The following ASXL1 variants were observed in gnomAD, a reference collection of about 807,000 sequenced individuals.
ASXL1 encodes the protein ASXL transcriptional regulator 1, also known as polycomb group protein ASXL1.
A neutral mutation model predicts 89.1 loss-of-function variants in ASXL1; 65 were observed. The ratio of observed to expected loss-of-function variants is 0.73; its 90% confidence interval spans 0.60 to 0.90. The LOEUF (loss-of-function observed/expected upper bound fraction) is 0.90, where lower values mean the gene tolerates loss of function less well. Among genes scored for constraint, ASXL1 ranks in the 40% least tolerant of loss-of-function variants. The pLI is 0.00. For missense variants in ASXL1, 1,786 were observed against 1,942.9 expected, an observed-to-expected ratio of 0.92 and a Z score of 1.52; for synonymous variants, 739 against 746.9, an observed-to-expected ratio of 0.99 and a Z score of 0.17.
chr20:32,381,214 C>T (rs944496603), intron 4 of ASXL1, among the ~76,000 whole-genome samples: 3 of 152,124 alleles, frequency 2.0e-5, no homozygotes, highest in Non-Finnish European at 4.4e-5. Flanking sequence ...TTACCAAAGT[C>T]CTTTTTTTTG....
intron 4 of ASXL1, among the ~76,000 whole-genome samples, chr20:32,384,171 T>A (rs1172984095): frequency 6.6e-6 from 1 of 151,970 alleles, no homozygotes; most frequent in Non-Finnish European, 1.5e-5. Context: ...CAGTACCATT[T>A]GCTTTGGTCA....
At position 32,429,754 on chromosome 20, in the gene ASXL1, G is replaced by A. The variant is rs776921321; in HGVS notation, c.566-147G>A. On this transcript the variant is annotated intron_variant, in intron 7 of 12. Transcript: ENST00000375687. This position sits in a 1 kb window ranked among gnomAD's most constrained non-coding sequence, Gnocchi z 4.9. ...TATTTTAAAGCCAGACCATGAAGTG[G>A]TGGTTTCTCTCAGCCTAAGGCTGGG... 54 of 1,142,494 alleles carry A rather than the reference G, an allele frequency of 4.7e-5. No individual in the cohort carries two copies. The highest frequency in any genetic ancestry group is 5.2e-5 in the Non-Finnish European group (42 of 808,674). The allele number at this position is 1,142,494 out of a possible 1,614,324, so 70.8% of individuals were successfully genotyped here. A position where few individuals can be genotyped will look rare whatever the true frequency, so the allele number is the denominator to read the frequency against.
chr20:32,435,883 T>A lies in ASXL1; in HGVS notation c.3171T>A (p.Asp1057Glu), dbSNP rs772813587. 1.2e-6 allele frequency: 2 copies of A among 1,614,146 alleles called. No homozygotes were observed. Among genetic ancestry groups the A allele is most frequent in the South Asian group, 2.2e-5 (2 of 91,088 alleles). ...NGDMRLVTRTDGMVAPQSWVS... is the reference protein window; with the variant it reads ...NGDMRLVTRTEGMVAPQSWVS... ...ACATGCGTCTGGTTACAAGGACAGA[T>A]GGGATGGTTGCTCCTCAGAGCTGGG... Residue 1057 changes from aspartate to glutamate, a missense_variant, in exon 13 of 13, where the codon GAT becomes GAA. Transcript: ENST00000375687.
chr20:32,376,092 T>G (rs2048373012), intron 4 of ASXL1, among the ~76,000 whole-genome samples: 1 of 152,178 alleles, frequency 6.6e-6, no homozygotes, highest in Non-Finnish European at 1.5e-5. Context: ...ACAGTAGTCA[T>G]GTCTACTGTT....
intron 4 of ASXL1, among the ~76,000 whole-genome samples, chr20:32,413,734 G>A (rs951602275): frequency 6.6e-6 from 1 of 152,182 alleles, no homozygotes; most frequent in East Asian, 1.9e-4. Context: ...GCATGTGGCT[G>A]TTTTCCTCGG....
intron 8 of ASXL1, chr20:32,430,301 A>T: frequency 1.8e-6 from 1 of 543,004 alleles, no homozygotes; most frequent in Admixed American, 3.6e-5. Flanking sequence ...GGCCTAGTCT[A>T]TGCCTGCCTT....
In ASXL1 at chr20:32,437,559, C is replaced by T; in HGVS notation, c.*221C>T. The T allele has an allele frequency of 4.6e-6, 3 of 657,002 alleles. No individual in the cohort carries two copies. In the South Asian group the frequency reaches 5.8e-5, roughly 13 times the overall value. The allele number at this position is 657,002 out of a possible 1,614,324, so 40.7% of individuals were successfully genotyped here. A position where few individuals can be genotyped will look rare whatever the true frequency, so the allele number is the denominator to read the frequency against. On this transcript the variant is annotated 3_prime_UTR_variant, in exon 13 of 13. Coordinates refer to ENST00000375687, the MANE Select transcript of ASXL1 (RefSeq NM_015338.6). ...TATAACCCATTGGGCTGCCCAAGGC[C>T]AGCCAGCCTGAGCTCTCCTGCAAGA... is the stretch of plus-strand genomic sequence containing the variant.
chr20:32,385,131 G>A (rs1174867351), intron 4 of ASXL1, among the ~76,000 whole-genome samples: 1 of 152,196 alleles, frequency 6.6e-6, no homozygotes, highest in Non-Finnish European at 1.5e-5. Context: ...GGAACCTGAT[G>A]TTTGAGTGCT....
intron 4 of ASXL1, among the ~76,000 whole-genome samples, chr20:32,370,405 C>T (rs1317150211): frequency 6.6e-6 from 1 of 150,602 alleles, no homozygotes; most frequent in Non-Finnish European, 1.5e-5. Context: ...ATGGGCATGG[C>T]TGTGTTCCAA....
rs780673999 is a variant in ASXL1 at position 32,436,999 on chromosome 20, T to C, written c.4287T>C (p.Ser1429=). 1 of 1,613,936 alleles carries C rather than the reference T, an allele frequency of 6.2e-7. No individual in the cohort carries two copies. The highest frequency in any genetic ancestry group is 2.2e-5 in the East Asian group (1 of 44,876). Reference sequence around the variant, plus strand: ...TCAGTGAGCCTCTGGAGCCTTCTTCTCTCCCCTCCCAACTCAGCATCAAGC... The same window carrying C: ...TCAGTGAGCCTCTGGAGCCTTCTTCCCTCCCCTCCCAACTCAGCATCAAGC... ...KGLSEPLEPS[S]LPSQLSIKQA... Residue 1429 remains serine (S), a synonymous_variant, in exon 13 of 13, where the codon TCT becomes TCC. Coordinates refer to ENST00000375687, the MANE Select transcript of ASXL1 (RefSeq NM_015338.6).
In ASXL1 at chr20:32,436,120, A is replaced by G; in HGVS notation, c.3408A>G (p.Val1136=). 6.2e-7 allele frequency: 1 copy of G among 1,614,180 alleles called. No homozygotes were observed. Among genetic ancestry groups the G allele is most frequent in the Non-Finnish European group, 8.5e-7 (1 of 1,180,038 alleles). The change falls in exon 13 of 13, where the codon GTA becomes GTG. Residue 1136 remains valine (V), a synonymous_variant. Coordinates refer to ENST00000375687, the MANE Select transcript of ASXL1 (RefSeq NM_015338.6). ...HDDSMSESPQ[V]PLTKDQSHGS... Reference sequence around the variant, plus strand: ...ACAGCATGTCAGAATCCCCACAAGTACCACTTACAAAAGACCAGAGCCATG... The same window carrying G: ...ACAGCATGTCAGAATCCCCACAAGTGCCACTTACAAAAGACCAGAGCCATG...
intron 4 of ASXL1, among the ~76,000 whole-genome samples, chr20:32,405,726 A>C (rs978174339): frequency 6.6e-6 from 1 of 152,154 alleles, no homozygotes; most frequent in African/African-American, 2.4e-5. Flanking sequence ...GAATTTTCTC[A>C]TAATTGGATT....
At chr20:32,373,470 G>C (rs926786232) in intron 4 of ASXL1, among the ~76,000 whole-genome samples, 14 of 152,096 alleles carry the variant, frequency 9.2e-5, no homozygotes, top group Non-Finnish European at 1.8e-4. Context: ...CTCTGGGTTT[G>C]GTAAATTTTA....
At chr20:32,389,204 A>G (rs1360383650) in intron 4 of ASXL1, among the ~76,000 whole-genome samples, 2 of 152,196 alleles carry the variant, frequency 1.3e-5, no homozygotes, top group Non-Finnish European at 2.9e-5. Flanking sequence ...TTTTATGTCA[A>G]TGAAATCATA....
intron 4 of ASXL1, among the ~76,000 whole-genome samples, chr20:32,377,996 G>GTA (rs1555902349): frequency 7.3e-6 from 1 of 137,088 alleles, no homozygotes. Context: ...GTGTGTGTGT[G>GTA]TGTGTGTTTT....
chr20:32,371,095 T>C (rs2048294694), intron 4 of ASXL1, among the ~76,000 whole-genome samples: 1 of 151,204 alleles, frequency 6.6e-6, no homozygotes, highest in Non-Finnish European at 1.5e-5. Flanking sequence ...ACACCACTGC[T>C]CTCCAGCCTG....
At chr20:32,374,814 A>G (rs2048350833) in intron 4 of ASXL1, among the ~76,000 whole-genome samples, 1 of 152,214 alleles carries the variant, frequency 6.6e-6, no homozygotes, top group South Asian at 2.1e-4. Context: ...AGGTCTGTCC[A>G]ATAAACACCC....
chr20:32,387,699 C>T (rs2048603065), intron 4 of ASXL1, among the ~76,000 whole-genome samples: 1 of 152,206 alleles, frequency 6.6e-6, no homozygotes, highest in Non-Finnish European at 1.5e-5. Context: ...TCTCATCTTC[C>T]TTTGCTTTGC....
Position 32,430,061 on chromosome 20 carries a change from GC to G in ASXL1, c.718+9del. The G allele has an allele frequency of 1.2e-6, 2 of 1,602,728 alleles. No individual in the cohort carries two copies. The highest frequency in any genetic ancestry group is 1.7e-6 in the Non-Finnish European group (2 of 1,179,682). ...TCCGGAAGCCAGCCACAGGTGAGTG[GC>G]GTGGCACTTATTTCTCTGCCTGTAA... is the stretch of plus-strand genomic sequence containing the variant. On this transcript the variant is annotated intron_variant, in intron 8 of 12. Coordinates refer to ENST00000375687, the MANE Select transcript of ASXL1 (RefSeq NM_015338.6).
Sources: gnomAD v4.1 joint callset for allele counts (sites outside exome capture counted in the v4.1 genomes callset) on GRCh38, gnomAD v4.1.1 for gene constraint, Gnocchi (gnomAD v3.1) non-coding constraint, MANE v1.5 for transcripts, NCBI Gene and HGNC (gene_info 2026-07-23, HGNC 2026-07-21) for gene names.